Variants in ANKRD36 observed in about 807,000 individuals in gnomAD.
The protein encoded by ANKRD36 is ankyrin repeat domain 36.
In ANKRD36, 179 loss-of-function variants were observed where a neutral mutation model predicts 278.1. The observed-to-expected ratio is 0.64, with a 90% confidence interval of 0.57 to 0.73. The LOEUF is 0.73. Among genes scored for constraint, ANKRD36 ranks in the 30% least tolerant of loss-of-function variants. The probability of loss-of-function intolerance (pLI) is 0.00; values close to 1 mark genes in which losing one functional copy is unlikely to be tolerated. For missense variants in ANKRD36, 1,159 were observed against 1,956.7 expected, an observed-to-expected ratio of 0.59 and a Z score of 7.69; for synonymous variants, 320 against 641.1, an observed-to-expected ratio of 0.50 and a Z score of 7.57.
intron 6 of ANKRD36, among the ~76,000 whole-genome samples, chr2:97,133,588 C>G (rs2040715904): frequency 6.6e-6 from 1 of 151,508 alleles, no homozygotes; most frequent in Admixed American, 6.6e-5. Context: ...CAATTATTTT[C>G]TTGCCTGTAA....
Position 97,151,878 on chromosome 2 carries a change from G to C in ANKRD36, c.1102-1G>C, listed in dbSNP as rs775382073. 5 of 1,397,350 alleles carry C rather than the reference G, an allele frequency of 3.6e-6. No individual in the cohort carries two copies. The highest frequency in any genetic ancestry group is 4.1e-5 in the Admixed American group (2 of 48,922). 86.6% of individuals were successfully genotyped at this position (1,397,350 alleles called of 1,614,324 possible). ...TTAAACCTATTGTGTTTTTCTTCTA[G>C]ATTATTTCAAAACTATACATCCCAA... On this transcript the variant is annotated splice_acceptor_variant, in intron 12 of 75. Transcript: ENST00000420699. LOFTEE classifies it high-confidence loss of function.
intron 48 of ANKRD36, among the ~76,000 whole-genome samples, chr2:97,203,731 A>G (rs535338442): frequency 6.6e-6 from 1 of 151,810 alleles, no homozygotes; most frequent in Non-Finnish European, 1.5e-5. Context: ...CTGCTTTGAC[A>G]TTGATTCTGA....
chr2:97,205,007 T>G (rs1246945781), intron 50 of ANKRD36, among the ~76,000 whole-genome samples: 1 of 151,078 alleles, frequency 6.6e-6, no homozygotes, highest in Non-Finnish European at 1.5e-5. Context: ...CATTGGCTTC[T>G]TTGTTCAAGG....
At chr2:97,179,200 A>G (rs1346620285) in intron 22 of ANKRD36, among the ~76,000 whole-genome samples, 3 of 151,692 alleles carry the variant, frequency 2.0e-5, no homozygotes, top group Non-Finnish European at 1.5e-5. Context: ...TTCACCAAAC[A>G]TATATCCAAG....
chr2:97,134,492 G>A (rs987270617), intron 6 of ANKRD36, among the ~76,000 whole-genome samples: 3 of 152,036 alleles, frequency 2.0e-5, no homozygotes, highest in Admixed American at 6.6e-5. Flanking sequence ...CTTGCAGTTG[G>A]AAATAAGACC....
Position 97,187,182 on chromosome 2 carries a change from C to T in ANKRD36, c.2042-16C>T, listed in dbSNP as rs1347379792. 8 of 1,609,204 alleles carry T rather than the reference C, an allele frequency of 5.0e-6. No homozygotes were observed. Among genetic ancestry groups the T allele is most frequent in the Non-Finnish European group, 6.8e-6 (8 of 1,178,588 alleles). ...TATTTACATATGAGTGATTATGTAT[C>T]CCTTTTGCTTTTCAGTGTCTTCTCA... On this transcript the variant is annotated splice_polypyrimidine_tract_variant and intron_variant, in intron 30 of 75. Coordinates refer to ENST00000420699, the MANE Select transcript of ANKRD36 (RefSeq NM_001354587.1).
intron 11 of ANKRD36, among the ~76,000 whole-genome samples, chr2:97,147,764 T>A (rs1295966993): frequency 6.6e-6 from 1 of 151,794 alleles, no homozygotes; most frequent in Non-Finnish European, 1.5e-5. Flanking sequence ...GCAGCCAAAT[T>A]TGAAGAGAAA....
intron 15 of ANKRD36, among the ~76,000 whole-genome samples, chr2:97,155,433 G>A (rs1041353108): frequency 2.7e-5 from 4 of 145,802 alleles, no homozygotes; most frequent in African/African-American, 9.7e-5. Flanking sequence ...TACAGCAAGA[G>A]CTTATCTCTA....
chr2:97,215,797 C>T, intron 62 of ANKRD36: 3 of 645,794 alleles, frequency 4.6e-6, no homozygotes, highest in Middle Eastern at 8.3e-4. Context: ...AGCAAGTTTC[C>T]ATCAAGAGGG....
At chr2:97,204,170 T>C in intron 49 of ANKRD36, 21 bp from the exon 50 acceptor site, 2 of 1,578,186 alleles carry the variant, frequency 1.3e-6, no homozygotes, top group Non-Finnish European at 1.7e-6. Context: ...AATTTATTAT[T>C]TCATTTCAAA....
chr2:97,185,589 G>A (rs1559540468), intron 30 of ANKRD36, 79 bp downstream of exon 30: 2 of 1,510,736 alleles, frequency 1.3e-6, no homozygotes, highest in South Asian at 2.4e-5. Flanking sequence ...AATCAGCGGG[G>A]GGCTCGTCAA....
In ANKRD36 at chr2:97,191,109, G is replaced by C; in HGVS notation, c.2275G>C (p.Ala759Pro). The change falls in exon 36 of 76, where the codon GCT (alanine) becomes CCT (proline). Residue 759 changes from alanine (A) to proline (P), a missense_variant and splice_region_variant. Transcript: ENST00000420699. Reference sequence around the variant, plus strand: ...TTACTTTCTTTCAAATTCCATTCAGGCTACAACTGATGAGAAAGATTCTGT... The same window carrying C: ...TTACTTTCTTTCAAATTCCATTCAGCCTACAACTGATGAGAAAGATTCTGT... ...VSSQKQPALK[A>P]TTDEKDSVSN... The C allele has an allele frequency of 1.9e-6, 3 of 1,596,670 alleles. No individual in the cohort carries two copies. Among genetic ancestry groups the C allele is most frequent in the Non-Finnish European group, 2.6e-6 (3 of 1,171,712 alleles).
chr2:97,193,331 C>A (rs1338604482), intron 38 of ANKRD36, among the ~76,000 whole-genome samples: 1 of 135,718 alleles, frequency 7.4e-6, no homozygotes, highest in Non-Finnish European at 1.6e-5. Context: ...CATAATTTTA[C>A]TTTAATTCTC....
chr2:97,232,436 G>T (rs2072492717), intron 67 of ANKRD36, among the ~76,000 whole-genome samples: 1 of 133,100 alleles, frequency 7.5e-6, no homozygotes, highest in East Asian at 2.5e-4. Flanking sequence ...TCACAAATAA[G>T]TTAAAGCAGA....
At chr2:97,174,958 G>A (rs1376871275) in intron 22 of ANKRD36, among the ~76,000 whole-genome samples, 1 of 144,032 alleles carries the variant, frequency 6.9e-6, no homozygotes, top group East Asian at 2.0e-4. Context: ...AACCAGCCTT[G>A]CATCCCAGGG....
At chr2:97,230,008 C>T (rs1224342946) in intron 67 of ANKRD36, among the ~76,000 whole-genome samples, 1 of 152,262 alleles carries the variant, frequency 6.6e-6, no homozygotes, top group African/African-American at 2.4e-5. Context: ...GAGAGATCCA[C>T]TGTTAGTCTG....
chr2:97,124,497 G>A lies in ANKRD36; in HGVS notation c.631G>A (p.Asp211Asn). 3.2e-6 allele frequency: 5 copies of A among 1,551,670 alleles called. No individual in the cohort carries two copies. ...LIHAVTLGEK[D>N]IVILLLQHNI... ...ACATGCTGTTACTCTTGGAGAAAAA[G>A]ATATAGTCATTCTTCTTCTGCAGCA... Residue 211 changes from aspartate (D) to asparagine (N), a missense_variant, in exon 5 of 76, where the codon GAT becomes AAT. Physicochemically the swap from Asp to Asn is conservative, Grantham distance 23. Transcript: ENST00000420699.
chr2:97,212,481 C>A (rs2064932087), intron 58 of ANKRD36, among the ~76,000 whole-genome samples: 1 of 151,870 alleles, frequency 6.6e-6, no homozygotes, highest in African/African-American at 2.4e-5. Flanking sequence ...AATATGAATA[C>A]ATTGGCTTCA....
At position 97,183,300 on chromosome 2, in the gene ANKRD36, A is replaced by T. The variant is rs2056686491; in HGVS notation, c.1838-159A>T. Among the ~76,000 whole-genome samples the T allele has an allele frequency of 2.6e-5, 4 of 151,812 alleles. No homozygotes were observed. In the South Asian group the frequency reaches 8.4e-4, roughly 32 times the overall value. On this transcript the variant is annotated intron_variant, in intron 26 of 75. Transcript: ENST00000420699. Reference sequence around the variant, plus strand: ...CGTGTATTCCTGTTTTCTTCAGTGTATTTCCTCATGTTCCCGTCCCAAAGA... The same window carrying T: ...CGTGTATTCCTGTTTTCTTCAGTGTTTTTCCTCATGTTCCCGTCCCAAAGA...
Sources: allele counts gnomAD v4.1 joint callset (sites outside exome capture counted in the v4.1 genomes callset), GRCh38; gene constraint gnomAD v4.1.1; transcripts MANE v1.5; gene names NCBI Gene and HGNC (gene_info 2026-07-23, HGNC 2026-07-21).